Variants in NF1 observed in about 807,000 individuals in gnomAD.
NF1 encodes the protein neurofibromin.
In NF1, 122 loss-of-function variants were observed where a neutral mutation model predicts 325.7. That is an observed-to-expected ratio of 0.37 (90% CI 0.32 to 0.44). The LOEUF (loss-of-function observed/expected upper bound fraction) is 0.44, where lower values mean the gene tolerates loss of function less well. NF1 is among the 20% of genes least tolerant of loss of function. The pLI is 1.00. For missense variants in NF1, 2,140 were observed against 3,415.4 expected (o/e 0.63, Z 9.31); for synonymous variants, 1,091 against 1,186.0 (o/e 0.92, Z 1.65).
At chr17:31,367,030 AAAGTTGT>A (rs775746557) in intron 57 of NF1, among the ~76,000 whole-genome samples, 49 of 152,278 alleles carry the variant, frequency 3.2e-4, no homozygotes, top group South Asian at 1.2e-3. Context: ...ATACATCTAC[AAAGTTGT>A]AAGTTCTCTC....
At position 31,330,137 on chromosome 17, in the gene NF1, T is replaced by A. The variant is rs574816587; in HGVS notation, c.5610-159T>A. ...TAAATGATTAAGGGGTATTTTGGTT[T>A]TACTGTAGAATTATAACATCTTATT... On this transcript the variant is annotated intron_variant, in intron 38 of 57. Transcript: ENST00000358273. 2.4e-3 allele frequency among the ~76,000 whole-genome samples: 371 copies of A among 152,320 alleles called. 1 individual carries two copies. The highest frequency in any genetic ancestry group is 4.2e-3 in the Non-Finnish European group (289 of 68,010).
intron 57 of NF1, among the ~76,000 whole-genome samples, chr17:31,364,570 C>T (rs937050739): frequency 2.0e-5 from 3 of 152,182 alleles, no homozygotes; most frequent in Admixed American, 6.5e-5. Flanking sequence ...GGCAGTATTT[C>T]GTTAGTTACC....
chr17:31,222,553 A>G, intron 15 of NF1: 1 of 1,022,718 alleles, frequency 9.8e-7, no homozygotes, highest in African/African-American at 1.7e-5. Context: ...CTTACTCTAG[A>G]GTAGTGCTGT....
At chr17:31,319,058 A>C in intron 36 of NF1, 2 of 1,541,564 alleles carry the variant, frequency 1.3e-6, no homozygotes, top group Non-Finnish European at 1.7e-6. Context: ...TTAGTTTGTG[A>C]AAGAATAATG....
intron 1 of NF1, among the ~76,000 whole-genome samples, chr17:31,144,814 A>C (rs1916478455): frequency 6.6e-6 from 1 of 152,238 alleles, no homozygotes; most frequent in African/African-American, 2.4e-5. Flanking sequence ...TATTGGTCAG[A>C]ATAGTCACTG....
At chr17:31,155,298 C>G (rs2065639198) in intron 1 of NF1, among the ~76,000 whole-genome samples, 1 of 152,264 alleles carries the variant, frequency 6.6e-6, no homozygotes, top group South Asian at 2.1e-4. Flanking sequence ...GACAGTGGAA[C>G]TTAACTCATT....
chr17:31,336,356 A>G lies in NF1; in HGVS notation c.6030A>G (p.Val2010=), dbSNP rs2151553216. 6.2e-7 allele frequency: 1 copy of G among 1,614,084 alleles called. No individual in the cohort carries two copies. Among genetic ancestry groups the G allele is most frequent in the Non-Finnish European group, 8.5e-7 (1 of 1,179,984 alleles). The part of the protein sequence containing the change: ...LGQITDLLDV[V]LDSFIKTSAT... ...AGATTACAGATCTGCTTGATGTTGT[A>G]CTAGACAGTTTCATCAAAACCAGTG... Residue 2010 remains valine (V), a synonymous_variant, in exon 41 of 58, where the codon GTA becomes GTG. Coordinates refer to ENST00000358273, the MANE Select transcript of NF1 (RefSeq NM_001042492.3). This position sits in a 1 kb window ranked among gnomAD's most constrained non-coding sequence, Gnocchi z 5.5.
chr17:31,120,072 A>G (rs1479486097), intron 1 of NF1, among the ~76,000 whole-genome samples: 2 of 152,190 alleles, frequency 1.3e-5, no homozygotes, highest in African/African-American at 4.8e-5. Context: ...CTTGTTGCTT[A>G]GGATTGTCTT....
intron 4 of NF1, among the ~76,000 whole-genome samples, chr17:31,167,531 A>G (rs1309098603): frequency 6.6e-6 from 1 of 152,236 alleles, no homozygotes; most frequent in Non-Finnish European, 1.5e-5. Flanking sequence ...AAGACCATAT[A>G]GTATTTGTGC....
chr17:31,364,686 T>C (rs1270748210), intron 57 of NF1, among the ~76,000 whole-genome samples: 1 of 152,186 alleles, frequency 6.6e-6, no homozygotes, highest in Non-Finnish European at 1.5e-5. Flanking sequence ...AGGGGGACTG[T>C]TTTACAAGTC....
intron 57 of NF1, among the ~76,000 whole-genome samples, chr17:31,366,830 T>G (rs1358607560): frequency 6.6e-6 from 1 of 152,246 alleles, no homozygotes; most frequent in African/African-American, 2.4e-5. Flanking sequence ...GAGAATTGTT[T>G]ATGGTATTAC....
At chr17:31,213,773 C>T (rs1475847749) in intron 12 of NF1, among the ~76,000 whole-genome samples, 1 of 152,002 alleles carries the variant, frequency 6.6e-6, no homozygotes, top group Non-Finnish European at 1.5e-5. Flanking sequence ...TACAAATGTT[C>T]TTCAGGCAAA....
chr17:31,268,360 G>T lies in NF1; in HGVS notation c.4835+3021G>T, dbSNP rs1319200700. Reference sequence around the variant, plus strand: ...ATGTGACCACTTGGCTGGGCGCGGTGGCTCATGCCTGTAATCCCAGCACTT... The same window carrying T: ...ATGTGACCACTTGGCTGGGCGCGGTTGCTCATGCCTGTAATCCCAGCACTT... On this transcript the variant is annotated intron_variant, in intron 36 of 57. Transcript: ENST00000358273. 2.0e-5 allele frequency among the ~76,000 whole-genome samples: 3 copies of T among 151,880 alleles called. No individual in the cohort carries two copies. The South Asian group carries it at 6.2e-4, about 32-fold the overall frequency.
chr17:31,199,554 G>GT (rs17883081), intron 8 of NF1, among the ~76,000 whole-genome samples: 12 of 152,274 alleles, frequency 7.9e-5, no homozygotes, highest in Non-Finnish European at 1.6e-4. Flanking sequence ...TGTTGGGTGA[G>GT]TTTAGTTTTT....
rs760097413 is a variant in NF1, at chr17:31,229,351, A to G, written c.2736A>G (p.Gln912=). 2 of 1,613,940 alleles carry G rather than the reference A, an allele frequency of 1.2e-6. No individual in the cohort carries two copies. The highest frequency in any genetic ancestry group is 3.3e-5 in the Admixed American group (2 of 60,004). ...MVCNHEKVGL[Q]IRTNVKDLVG... ...GTAACCATGAGAAAGTGGGACTTCA[A>G]ATACGGACCAATGTTAAGGATCTGG... Residue 912 remains glutamine, a synonymous_variant, in exon 21 of 58, where the codon CAA becomes CAG. Transcript: ENST00000358273.
At chr17:31,155,394 T>A (rs2065642110) in intron 1 of NF1, among the ~76,000 whole-genome samples, 1 of 152,224 alleles carries the variant, frequency 6.6e-6, no homozygotes, top group Non-Finnish European at 1.5e-5. Context: ...CCTTCAATTG[T>A]GTAGCTGAGG....
intron 36 of NF1, among the ~76,000 whole-genome samples, chr17:31,279,737 C>T (rs1327074030): frequency 6.6e-6 from 1 of 152,094 alleles, no homozygotes; most frequent in Non-Finnish European, 1.5e-5. Context: ...AAAATCTCAG[C>T]CTCTTCATTT....
At chr17:31,209,658 GA>G (rs1245313044) in intron 12 of NF1, among the ~76,000 whole-genome samples, 1 of 151,782 alleles carries the variant, frequency 6.6e-6, no homozygotes, top group African/African-American at 2.4e-5. Context: ...TTCTTCTTGA[GA>G]CAGAGTCCCA....
intron 36 of NF1, among the ~76,000 whole-genome samples, chr17:31,286,088 A>G (rs2151490003): frequency 6.6e-6 from 1 of 152,136 alleles, no homozygotes; most frequent in Non-Finnish European, 1.5e-5. Context: ...TAATTTTAAT[A>G]TGCTTTTTTG....
Sources: gnomAD v4.1 joint callset for allele counts (sites outside exome capture counted in the v4.1 genomes callset) on GRCh38, gnomAD v4.1.1 for gene constraint, Gnocchi (gnomAD v3.1) non-coding constraint, MANE v1.5 for transcripts, NCBI Gene and HGNC (gene_info 2026-07-23, HGNC 2026-07-21) for gene names.